Variants in PCDHGA4 observed in about 807,000 individuals in gnomAD.
The protein encoded by PCDHGA4 is protocadherin gamma-A4.
Under a neutral mutation model 54.6 loss-of-function variants are expected in PCDHGA4, and 38 were observed. The ratio of observed to expected loss-of-function variants is 0.70; its 90% CI spans 0.54 to 0.91. The LOEUF (loss-of-function observed/expected upper bound fraction) is 0.91. PCDHGA4 is among the 40% of genes least tolerant of loss of function. The pLI is 0.00. For synonymous variants in PCDHGA4, 511 were observed against 512.9 expected, an observed-to-expected ratio of 1.00 and a Z score of 0.05; for missense variants, 1,298 against 1,220.9, an observed-to-expected ratio of 1.06 and a Z score of -0.94.
At chr5:141,371,490 G>A in intron 1 of PCDHGA4, 1 of 1,613,890 alleles carries the variant, frequency 6.2e-7, no homozygotes, top group African/African-American at 1.3e-5. Context: ...GGGGACTGCC[G>A]TTGCCCTGAT....
chr5:141,498,523 G>A (rs555386753), intron 2 of PCDHGA4, among the ~76,000 whole-genome samples: 1 of 151,580 alleles, frequency 6.6e-6, no homozygotes, highest in Admixed American at 6.6e-5. Context: ...CTTGCCCACT[G>A]CCCTCCAGCC....
At chr5:141,427,863 G>A (rs769808388) in intron 1 of PCDHGA4, 1 of 1,557,316 alleles carries the variant, frequency 6.4e-7, no homozygotes, top group Non-Finnish European at 8.8e-7. Context: ...GTGCGCCTTC[G>A]AGCTCACGAT....
Position 141,481,770 on chromosome 5 carries a change from G to T in PCDHGA4, c.2515-13037G>T, listed in dbSNP as rs188953511. 6.1e-3 allele frequency among the ~76,000 whole-genome samples: 929 copies of T among 152,184 alleles called. 10 individuals are homozygous for T. Among genetic ancestry groups the T allele is most frequent in the African/African-American group, 0.022 (895 of 41,516 alleles). On this transcript the variant is annotated intron_variant, in intron 1 of 3. Coordinates refer to ENST00000571252, the MANE Select transcript of PCDHGA4 (RefSeq NM_018917.4). ...AGTCCAAGACCAGCCTGGCCAACAT[G>T]GTGAAACCCCGTCTCTACTAAAAAT... is the stretch of plus-strand genomic sequence containing the variant.
At chr5:141,362,275 C>A (rs757133043) in intron 1 of PCDHGA4, 3 of 1,613,924 alleles carry the variant, frequency 1.9e-6, no homozygotes, top group African/African-American at 1.3e-5. Flanking sequence ...AATCTCCCTG[C>A]GCCTGCGACT....
At chr5:141,452,119 TTCATATATGGC>T (rs1472213897) in intron 1 of PCDHGA4, among the ~76,000 whole-genome samples, 3 of 152,250 alleles carry the variant, frequency 2.0e-5, no homozygotes, top group African/African-American at 7.2e-5. Flanking sequence ...TTCTTATTTA[TTCATATATGGC>T]TCATGTGTTT....
At chr5:141,388,939 A>G in intron 1 of PCDHGA4, 1 of 1,613,984 alleles carries the variant, frequency 6.2e-7, no homozygotes, top group Non-Finnish European at 8.5e-7. Flanking sequence ...TCTCTACCCA[A>G]CCTAATTATG....
At chr5:141,407,615 A>T (rs780052436) in intron 1 of PCDHGA4, among the ~76,000 whole-genome samples, 2 of 152,140 alleles carry the variant, frequency 1.3e-5, no homozygotes, top group Non-Finnish European at 2.9e-5. Context: ...GCATTGGTTG[A>T]CATTCTATAT....
chr5:141,432,969 C>T lies in PCDHGA4; in HGVS notation c.2515-61838C>T, dbSNP rs754836894. On this transcript the variant is annotated intron_variant, in intron 1 of 3. Coordinates refer to ENST00000571252, the MANE Select transcript of PCDHGA4 (RefSeq NM_018917.4). The surrounding 1 kb of genome is among the most constrained non-coding windows in gnomAD (Gnocchi z 6.0). ...GGAGGCGGCTTGACAGGAGCGCCGG[C>T]GTCGCACTTTGTGGGCGTGGACGGG... The T allele has an allele frequency of 3.7e-6, 6 of 1,614,030 alleles. No individual in the cohort carries two copies. In the African/African-American group the frequency reaches 8.0e-5, roughly 22 times the overall value.
In PCDHGA4 at chr5:141,375,693, G is replaced by C. The variant is rs112671050; in HGVS notation, c.2514+18072G>C. 1,209 of 1,614,256 alleles carry C rather than the reference G, an allele frequency of 7.5e-4. 14 individuals carry two copies. In the African/African-American group the frequency reaches 0.015, roughly 20 times the overall value. On this transcript the variant is annotated intron_variant, in intron 1 of 3. Coordinates refer to ENST00000571252, the MANE Select transcript of PCDHGA4 (RefSeq NM_018917.4). ...CAGCTGTGGGTGACAGCCAGCGACA[G>C]CGGGGACCCGCCTCTTAGCAGCAAC... is the stretch of plus-strand genomic sequence containing the variant.
chr5:141,430,915 G>T, intron 1 of PCDHGA4: 1 of 1,607,738 alleles, frequency 6.2e-7, no homozygotes, highest in East Asian at 2.2e-5. Flanking sequence ...CCAGGGACCT[G>T]GGGCTGGAGC....
In PCDHGA4 at chr5:141,476,089, C is replaced by A; in HGVS notation, c.2515-18718C>A. 1 of 1,560,716 alleles carries A rather than the reference C, an allele frequency of 6.4e-7. No individual in the cohort carries two copies. The highest frequency in any genetic ancestry group is 8.6e-7 in the Non-Finnish European group (1 of 1,158,372). On this transcript the variant is annotated intron_variant, in intron 1 of 3. Coordinates refer to ENST00000571252, the MANE Select transcript of PCDHGA4 (RefSeq NM_018917.4). This position sits in a 1 kb window ranked among gnomAD's most constrained non-coding sequence, Gnocchi z 7.6. ...CGAAATCTCAGGGACGATCTGGACC[C>A]CGCTGAGAGGAACTGCTTTTGAGTG...
intron 1 of PCDHGA4, among the ~76,000 whole-genome samples, chr5:141,363,316 T>C (rs551675221): frequency 4.6e-5 from 7 of 152,280 alleles, no homozygotes; most frequent in Non-Finnish European, 1.0e-4. Context: ...TAGTTTTCTA[T>C]GAAAGTGTTA....
intron 1 of PCDHGA4, chr5:141,364,635 G>A (rs1211803490): frequency 2.5e-6 from 4 of 1,614,038 alleles, no homozygotes; most frequent in African/African-American, 1.3e-5. Context: ...AGCCCACTGT[G>A]TGTGGTGAAC....
chr5:141,433,042 G>T (rs752612411), intron 1 of PCDHGA4: 10 of 1,614,024 alleles, frequency 6.2e-6, no homozygotes, highest in East Asian at 4.5e-5. Flanking sequence ...CCCTCACCAC[G>T]GACTCGCGGA....
At chr5:141,481,462 C>T (rs1395867714) in intron 1 of PCDHGA4, among the ~76,000 whole-genome samples, 1 of 152,162 alleles carries the variant, frequency 6.6e-6, no homozygotes. Flanking sequence ...ACACTGAAAA[C>T]CATTGGATTA....
intron 1 of PCDHGA4, among the ~76,000 whole-genome samples, chr5:141,401,347 A>T (rs2094143126): frequency 6.6e-6 from 1 of 152,228 alleles, no homozygotes; most frequent in South Asian, 2.1e-4. Context: ...CATCTCAAAA[A>T]AAAGGAAGGA....
Position 141,489,934 on chromosome 5 carries a change from G to A in PCDHGA4, c.2515-4873G>A, listed in dbSNP as rs777780708. 1.7e-5 allele frequency: 28 copies of A among 1,614,176 alleles called. No homozygotes were observed. Among genetic ancestry groups the A allele is most frequent in the East Asian group, 6.7e-5 (3 of 44,876 alleles). On this transcript the variant is annotated intron_variant, in intron 1 of 3. Coordinates refer to ENST00000571252, the MANE Select transcript of PCDHGA4 (RefSeq NM_018917.4). This position sits in a 1 kb window ranked among gnomAD's most constrained non-coding sequence, Gnocchi z 4.5. ...AGGGACCACCCTTATCTCTGTCATCGTGCTGGACATCAATGATAATGCTCC... is the reference window on the plus strand; with the variant it reads ...AGGGACCACCCTTATCTCTGTCATCATGCTGGACATCAATGATAATGCTCC...
At chr5:141,497,092 G>C (rs2099773958) in intron 2 of PCDHGA4, among the ~76,000 whole-genome samples, 1 of 152,092 alleles carries the variant, frequency 6.6e-6, no homozygotes, top group Admixed American at 6.5e-5. Flanking sequence ...AGGAGGCTGA[G>C]GCAGAACTGC....
intron 1 of PCDHGA4, among the ~76,000 whole-genome samples, chr5:141,457,698 G>C (rs1008393847): frequency 7.9e-5 from 12 of 152,234 alleles, no homozygotes; most frequent in Admixed American, 5.2e-4. Flanking sequence ...GATTGGCTTT[G>C]ATGAAACACT....
Sources: gnomAD v4.1 joint callset for allele counts (sites outside exome capture counted in the v4.1 genomes callset) on GRCh38, gnomAD v4.1.1 for gene constraint, Gnocchi (gnomAD v3.1) non-coding constraint, MANE v1.5 for transcripts, NCBI Gene and HGNC (gene_info 2026-07-23, HGNC 2026-07-21) for gene names.